The following COL7A1 variants were observed in gnomAD, a reference collection of about 807,000 sequenced individuals.
The protein encoded by COL7A1 is collagen alpha-1(VII) chain.
Under a neutral mutation model 456.2 loss-of-function variants are expected in COL7A1, and 296 were observed. The observed-to-expected ratio is 0.65, with a 90% CI of 0.59 to 0.71. The LOEUF is 0.71. Ranked by LOEUF, COL7A1 falls within the 30% of genes least tolerant of loss-of-function variation. The probability of loss-of-function intolerance (pLI) is 0.00; values close to 1 mark genes in which losing one functional copy is unlikely to be tolerated. For missense variants in COL7A1, 3,441 were observed against 4,017.2 expected (o/e 0.86, Z 3.88); for synonymous variants, 1,464 against 1,525.9 (o/e 0.96, Z 0.95).
chr3:48,589,622 C>A lies in COL7A1; in HGVS notation c.2147G>T (p.Arg716Met), dbSNP rs2045550281. 1 of 1,613,862 alleles carries A rather than the reference C, an allele frequency of 6.2e-7. No homozygotes were observed. Among genetic ancestry groups the A allele is most frequent in the African/African-American group, 1.3e-5 (1 of 74,888 alleles). The stretch of plus-strand genomic sequence containing the variant: ...ACCGTGGGCTGAGTGCCAGGAAACC[C>A]TGTATCCTGTGGCGCCAGGAACCCT... ...WTRVPGATGY[R>M]VSWHSAHGPE... The change falls in exon 17 of 119, where the codon AGG becomes ATG. Residue 716 changes from arginine to methionine, a missense_variant. Arg to Met is a moderately conservative substitution (Grantham distance 91). Coordinates refer to ENST00000681320, the MANE Select transcript of COL7A1 (RefSeq NM_000094.4).
rs994334611 is a variant in COL7A1, at chr3:48,588,091, C to A, written c.2711-152G>T. On this transcript the variant is annotated intron_variant, in intron 21 of 118. Transcript: ENST00000681320. The surrounding 1 kb of genome is among the most constrained non-coding windows in gnomAD (Gnocchi z 4.6). ...TCACTGACCCTGCCCACTTTACGGA[C>A]CCTGCCAGACTGACCCTCCATGAAC... is the stretch of plus-strand genomic sequence containing the variant. 1 of 1,303,616 alleles carries A rather than the reference C, an allele frequency of 7.7e-7. No individual in the cohort carries two copies. Among genetic ancestry groups the A allele is most frequent in the Non-Finnish European group, 1.1e-6 (1 of 944,302 alleles). 80.8% of individuals were successfully genotyped at this position (1,303,616 alleles called of 1,614,324 possible).
chr3:48,579,725 T>C lies in COL7A1; in HGVS notation c.5155-57A>G. On this transcript the variant is annotated intron_variant, in intron 58 of 118. Transcript: ENST00000681320. The surrounding 1 kb of genome is among the most constrained non-coding windows in gnomAD (Gnocchi z 4.4). ...CCTTGAAGCCAAGCCATGCCCAAGG[T>C]AGAACCTGCTGGGAGGGGCACTGGG... 6.2e-7 allele frequency: 1 copy of C among 1,613,748 alleles called. No homozygotes were observed. Among genetic ancestry groups the C allele is most frequent in the Non-Finnish European group, 8.5e-7 (1 of 1,179,932 alleles).
Position 48,588,336 on chromosome 3 carries a change from G to A in COL7A1, c.2656C>T (p.Arg886Cys), listed in dbSNP as rs758161225. 15 of 1,612,620 alleles carry A rather than the reference G, an allele frequency of 9.3e-6. No homozygotes were observed. The highest frequency in any genetic ancestry group is 5.5e-5 in the South Asian group (5 of 91,084). Residue 886 changes from arginine (R) to cysteine (C), a missense_variant, in exon 21 of 119, where the codon CGC becomes TGC. This residue lies in a region of COL7A1 where 444 missense variants were observed against 427.6 expected (regional missense o/e 1.04). Coordinates refer to ENST00000681320, the MANE Select transcript of COL7A1 (RefSeq NM_000094.4). This position sits in a 1 kb window ranked among gnomAD's most constrained non-coding sequence, Gnocchi z 4.6. ...TGCGCTCTGGGCACCGGCTCCCAGCGCAGCCTCAGCGAGTGCTCCCCGCGC... is the reference window on the plus strand; with the variant it reads ...TGCGCTCTGGGCACCGGCTCCCAGCACAGCCTCAGCGAGTGCTCCCCGCGC... ...VQRGEHSLRL[R>C]WEPVPRAQGF...
chr3:48,588,196 A>G lies in COL7A1; in HGVS notation c.2710+86T>C. ...AGACCCCCAGTGACAGACCCCGCCC[A>G]CCATCACTGTCCTCGCCTACCTTGC... On this transcript the variant is annotated intron_variant, in intron 21 of 118. Transcript: ENST00000681320. This position sits in a 1 kb window ranked among gnomAD's most constrained non-coding sequence, Gnocchi z 4.6. 1 of 1,599,626 alleles carries G rather than the reference A, an allele frequency of 6.3e-7. No homozygotes were observed. The highest frequency in any genetic ancestry group is 1.7e-4 in the Middle Eastern group (1 of 6,018).
rs1340974480 is a variant in COL7A1, at chr3:48,593,621, C to T, written c.342G>A (p.Gly114=). The change falls in exon 4 of 119, where the codon GGG becomes GGA. Residue 114 remains glycine, a synonymous_variant. Coordinates refer to ENST00000681320, the MANE Select transcript of COL7A1 (RefSeq NM_000094.4). This position sits in a 1 kb window ranked among gnomAD's most constrained non-coding sequence, Gnocchi z 4.4. ...IRAIRELSYK[G]GNTRTGAAIL... ...TTGCAGCCCCTGTGCGAGTGTTGCCCCCCTTGTAGCTAAGCTCACGGATGG... is the reference window on the plus strand; with the variant it reads ...TTGCAGCCCCTGTGCGAGTGTTGCCTCCCTTGTAGCTAAGCTCACGGATGG... 1 of 1,614,202 alleles carries T rather than the reference C, an allele frequency of 6.2e-7. No homozygotes were observed. Among genetic ancestry groups the T allele is most frequent in the Non-Finnish European group, 8.5e-7 (1 of 1,180,040 alleles).
In COL7A1 at chr3:48,571,263, G is replaced by A. The variant is rs761042475; in HGVS notation, c.7084C>T (p.Pro2362Ser). 30 of 1,614,182 alleles carry A rather than the reference G, an allele frequency of 1.9e-5. 1 individual carries two copies. In the South Asian group the frequency reaches 3.1e-4, roughly 17 times the overall value. ...DPGEDGQKGA[P>S]GPKGFKGDPG... ...CATACCTTGAAACCTTTGGGTCCTG[G>A]AGCCCCTTTCTGACCCTAAGAAAAC... Residue 2362 changes from proline to serine, a missense_variant, in exon 93 of 119, where the codon CCA becomes TCA. Pro to Ser is a moderately conservative substitution (Grantham distance 74). Coordinates refer to ENST00000681320, the MANE Select transcript of COL7A1 (RefSeq NM_000094.4). The surrounding 1 kb of genome is among the most constrained non-coding windows in gnomAD (Gnocchi z 4.6).
rs185429200 is a variant in COL7A1, at chr3:48,567,194, G to A, written c.8047-4C>T. ...GCCCGTCAAAGCCTCGGTCACCCTG[G>A]GAACAGAAGAAGCATGAGAGACCTT... On this transcript the variant is annotated splice_polypyrimidine_tract_variant and splice_region_variant and intron_variant, in intron 109 of 118. Transcript: ENST00000681320. This position sits in a 1 kb window ranked among gnomAD's most constrained non-coding sequence, Gnocchi z 4.3. 1.2e-4 allele frequency: 191 copies of A among 1,613,856 alleles called. 2 individuals carry two copies. The Middle Eastern group carries it at 1.6e-3, about 14-fold the overall frequency.
chr3:48,582,691 G>A (rs1484608057), intron 44 of COL7A1, 38 bp from the exon 45 acceptor site: 1 of 1,610,062 alleles, frequency 6.2e-7, no homozygotes, highest in East Asian at 2.2e-5. Flanking sequence ...CAGGTGGGTG[G>A]GGACGGGGGA....
Position 48,592,940 on chromosome 3 carries a change from T to G in COL7A1, c.683-2A>C. On this transcript the variant is annotated splice_acceptor_variant, in intron 6 of 118. Transcript: ENST00000681320. LOFTEE classifies it high-confidence loss of function. This position sits in a 1 kb window ranked among gnomAD's most constrained non-coding sequence, Gnocchi z 7.6. Reference sequence around the variant, plus strand: ...GTGGAGCAGAGGTCGAGTCATCCGCTGGGAATGCGGGATCAGGGGATCAGG... The same window carrying G: ...GTGGAGCAGAGGTCGAGTCATCCGCGGGGAATGCGGGATCAGGGGATCAGG... The G allele has an allele frequency of 6.2e-7, 1 of 1,613,466 alleles. No individual in the cohort carries two copies. The highest frequency in any genetic ancestry group is 8.5e-7 in the Non-Finnish European group (1 of 1,179,906).
At position 48,575,407 on chromosome 3, in the gene COL7A1, T is replaced by C; in HGVS notation, c.6112A>G (p.Lys2038Glu). 1 of 1,610,586 alleles carries C rather than the reference T, an allele frequency of 6.2e-7. No homozygotes were observed. Among genetic ancestry groups the C allele is most frequent in the Non-Finnish European group, 8.5e-7 (1 of 1,178,954 alleles). Reference protein sequence around the residue: ...GPSGLAGEPGKPGIPGLPGRA... With the variant: ...GPSGLAGEPGEPGIPGLPGRA... ...CCTGGGAGCCCGGGAATACCAGGCT[T>C]TCCAGGCTCCCCGGCAAGGCCGGAA... The change falls in exon 74 of 119, where the codon AAG becomes GAG. Residue 2038 changes from lysine (K) to glutamate (E), a missense_variant. Physicochemically the swap from Lys to Glu is moderately conservative, Grantham distance 56 (BLOSUM62 1). Coordinates refer to ENST00000681320, the MANE Select transcript of COL7A1 (RefSeq NM_000094.4). This position sits in a 1 kb window ranked among gnomAD's most constrained non-coding sequence, Gnocchi z 6.3.
chr3:48,570,122 A>T lies in COL7A1; in HGVS notation c.7485+12T>A. On this transcript the variant is annotated intron_variant, in intron 99 of 118. Coordinates refer to ENST00000681320, the MANE Select transcript of COL7A1 (RefSeq NM_000094.4). This position sits in a 1 kb window ranked among gnomAD's most constrained non-coding sequence, Gnocchi z 5.5. ...AAGTCACAGCACTGTCACTTTCCCCAGCGGGACCCACCGTGAGTCCTCGGG... is the reference window on the plus strand; with the variant it reads ...AAGTCACAGCACTGTCACTTTCCCCTGCGGGACCCACCGTGAGTCCTCGGG... 1 of 1,614,064 alleles carries T rather than the reference A, an allele frequency of 6.2e-7. No homozygotes were observed. The highest frequency in any genetic ancestry group is 2.2e-5 in the East Asian group (1 of 44,882).
chr3:48,574,501 T>A lies in COL7A1; in HGVS notation c.6443A>T (p.Gln2148Leu). The A allele has an allele frequency of 6.2e-7, 1 of 1,614,114 alleles. No individual in the cohort carries two copies. ...GDRGEPGPRG[Q>L]DGNPGLPGER... ...GCAAGGACTTACCGGGTTGCCGTCC[T>A]GACCCCTCGGTCCAGGCTCTCCCCG... Residue 2148 changes from glutamine (Q) to leucine (L), a missense_variant, in exon 79 of 119, where the codon CAG (glutamine) becomes CTG (leucine). Physicochemically the swap from Gln to Leu is moderately radical, Grantham distance 113. Coordinates refer to ENST00000681320, the MANE Select transcript of COL7A1 (RefSeq NM_000094.4). The surrounding 1 kb of genome is among the most constrained non-coding windows in gnomAD (Gnocchi z 5.0).
At position 48,581,130 on chromosome 3, in the gene COL7A1, C is replaced by T. The variant is rs886058638; in HGVS notation, c.4927G>A (p.Gly1643Ser). The T allele has an allele frequency of 1.1e-5, 17 of 1,613,936 alleles. No homozygotes were observed. The highest frequency in any genetic ancestry group is 1.4e-5 in the Non-Finnish European group (16 of 1,180,006). ...GTGGGAAGGAGTCTCACCGGAGGAC[C>T]CTCGTCACCTTTCTCTCCAACTTCA... ...DGEVGEKGDE[G>S]PPGDPGLPGK... The change falls in exon 53 of 119, where the codon GGT (glycine) becomes AGT (serine). Residue 1643 changes from glycine (G) to serine (S), a missense_variant. Around this residue, in one of 3 missense-constraint regions of COL7A1, gnomAD observed 2,084 missense variants for 2,501.3 expected, o/e 0.83. Transcript: ENST00000681320. The surrounding 1 kb of genome is among the most constrained non-coding windows in gnomAD (Gnocchi z 5.8).
chr3:48,580,408 A>G lies in COL7A1; in HGVS notation c.5053-64T>C. On this transcript the variant is annotated intron_variant, in intron 55 of 118. Transcript: ENST00000681320. This position sits in a 1 kb window ranked among gnomAD's most constrained non-coding sequence, Gnocchi z 4.5. ...AGCAGTTTGGGAGAGCTTTGGAAGC[A>G]CCATGAGGACTCATGGGAATGTTGG... The G allele has an allele frequency of 6.4e-7, 1 of 1,567,454 alleles. No homozygotes were observed. Among genetic ancestry groups the G allele is most frequent in the Non-Finnish European group, 8.7e-7 (1 of 1,147,388 alleles).
rs777744694 is a variant in COL7A1 at position 48,564,463 on chromosome 3, C to G, written c.8819-41G>C. The G allele has an allele frequency of 1.9e-6, 3 of 1,613,014 alleles. No homozygotes were observed. The highest frequency in any genetic ancestry group is 2.5e-6 in the Non-Finnish European group (3 of 1,179,450). ...TGGAAACGGTCGTCAGCCATCTGAC[C>G]TTCCCCGGAGACGCTCAGGCAGAGG... On this transcript the variant is annotated intron_variant, in intron 118 of 118. Transcript: ENST00000681320. This position sits in a 1 kb window ranked among gnomAD's most constrained non-coding sequence, Gnocchi z 6.0.
At position 48,575,035 on chromosome 3, in the gene COL7A1, C is replaced by G; in HGVS notation, c.6279+29G>C. On this transcript the variant is annotated intron_variant, in intron 76 of 118. Coordinates refer to ENST00000681320, the MANE Select transcript of COL7A1 (RefSeq NM_000094.4). The surrounding 1 kb of genome is among the most constrained non-coding windows in gnomAD (Gnocchi z 6.3). The stretch of plus-strand genomic sequence containing the variant: ...AGGGTGGCTTCCTGGTCACTAGTCA[C>G]AGGACTAAGGCAGGGATGGGGTGAT... 6.2e-7 allele frequency: 1 copy of G among 1,607,822 alleles called. No individual in the cohort carries two copies. Among genetic ancestry groups the G allele is most frequent in the South Asian group, 1.1e-5 (1 of 90,936 alleles).
At position 48,592,210 on chromosome 3, in the gene COL7A1, C is replaced by T. The variant is rs765113230; in HGVS notation, c.1132G>A (p.Gly378Ser). The T allele has an allele frequency of 6.2e-7, 1 of 1,614,000 alleles. No individual in the cohort carries two copies. The highest frequency in any genetic ancestry group is 8.5e-7 in the Non-Finnish European group (1 of 1,180,064). ...TCCAAGTCACGCAGCAACACTGAAC[C>T]CTGCCCAGGGCCCAGCTCCTGCTGC... ...TQQQELGPGQGSVLLRDLEPG... is the reference protein window; with the variant it reads ...TQQQELGPGQSSVLLRDLEPG... Residue 378 changes from glycine (G) to serine (S), a missense_variant, in exon 10 of 119, where the codon GGT (glycine) becomes AGT (serine). By Grantham distance (56) the Gly-to-Ser change is moderately conservative (BLOSUM62 0). Transcript: ENST00000681320. This position sits in a 1 kb window ranked among gnomAD's most constrained non-coding sequence, Gnocchi z 7.6.
chr3:48,568,701 A>G lies in COL7A1; in HGVS notation c.7758+83T>C. On this transcript the variant is annotated intron_variant, in intron 104 of 118. Coordinates refer to ENST00000681320, the MANE Select transcript of COL7A1 (RefSeq NM_000094.4). This position sits in a 1 kb window ranked among gnomAD's most constrained non-coding sequence, Gnocchi z 5.2. ...CAGCAAGGGAGCCAGAACCCCCAGCACTTAAGAGGACCCCCAGGATATGTG... is the reference window on the plus strand; with the variant it reads ...CAGCAAGGGAGCCAGAACCCCCAGCGCTTAAGAGGACCCCCAGGATATGTG... The G allele has an allele frequency of 5.3e-6, 8 of 1,498,928 alleles. No individual in the cohort carries two copies. The highest frequency in any genetic ancestry group is 7.3e-6 in the Non-Finnish European group (8 of 1,100,868). The allele number at this position is 1,498,928 out of a possible 1,614,324, so 92.9% of individuals were successfully genotyped here.
In COL7A1 at chr3:48,568,851, C is replaced by A; in HGVS notation, c.7691G>T (p.Ser2564Ile). ...GCCCTTGTCACCAGGCTCTCCCTTG[C>A]TGCCCTGTGGGAGTGACCAGGAGAG... The part of the protein sequence containing the change: ...GDNGDPGDKG[S>I]KGEPGDKGSA... The change falls in exon 104 of 119, where the codon AGC becomes ATC. Residue 2564 changes from serine to isoleucine, a missense_variant. Transcript: ENST00000681320. The surrounding 1 kb of genome is among the most constrained non-coding windows in gnomAD (Gnocchi z 5.2). 6.4e-7 allele frequency: 1 copy of A among 1,574,248 alleles called. No homozygotes were observed. The highest frequency in any genetic ancestry group is 8.6e-7 in the Non-Finnish European group (1 of 1,158,526).
Sources: allele counts gnomAD v4.1 joint callset, GRCh38; gene constraint gnomAD v4.1.1; regional missense constraint gnomAD v4.1.1; non-coding constraint Gnocchi (gnomAD v3.1); transcripts MANE v1.5; gene names NCBI Gene and HGNC (gene_info 2026-07-23, HGNC 2026-07-21).